RRM1: variants seen among roughly 807,000 people sequenced by gnomAD.
RRM1 encodes ribonucleoside-diphosphate reductase large subunit.
RRM1 carries 19 observed loss-of-function variants against 101.5 expected under a neutral mutation model. That is an observed-to-expected ratio of 0.19 (90% CI 0.13 to 0.27). The LOEUF (loss-of-function observed/expected upper bound fraction) is 0.27. Among genes scored for constraint, RRM1 ranks in the 10% least tolerant of loss-of-function variants. The pLI is 1.00. For synonymous variants in RRM1, 298 were observed against 323.4 expected (o/e 0.92, Z 0.84); for missense variants, 500 against 962.9 (o/e 0.52, Z 6.36).
intron 7 of RRM1, among the ~76,000 whole-genome samples, chr11:4,115,425 C>T (rs1283882859): frequency 6.6e-6 from 1 of 151,356 alleles, no homozygotes; most frequent in African/African-American, 2.4e-5. Context: ...AGTCATGTGG[C>T]CACAAAGGAG....
chr11:4,137,970 G>C lies in RRM1; in HGVS notation c.2191-225G>C. On this transcript the variant is annotated intron_variant, in intron 18 of 18. Transcript: ENST00000300738. ...GGCTGACCCCCCCACCTCCTTCCCA[G>C]ATGGGGCGGCTGGCCGGGCAGAGGA... The C allele has an allele frequency of 1.8e-5, 2 of 110,808 alleles. 1 individual carries two copies. The highest frequency in any genetic ancestry group is 6.9e-5 in the African/African-American group (2 of 29,096). 6.9% of individuals were successfully genotyped at this position (110,808 alleles called of 1,614,324 possible).
At chr11:4,095,086 C>T (rs2094541330) in intron 1 of RRM1, 55 bp downstream of exon 1, 1 of 1,544,790 alleles carries the variant, frequency 6.5e-7, no homozygotes, top group Admixed American at 2.0e-5. Flanking sequence ...GGGCTGCCGC[C>T]GCCGGAGCTG....
chr11:4,111,859 TC>T, intron 6 of RRM1, 40 bp from the exon 7 acceptor site: 1 of 1,571,294 alleles, frequency 6.4e-7, no homozygotes, highest in East Asian at 2.3e-5. Context: ...ACCTACTTTT[TC>T]TGACGTCTCA....
chr11:4,103,190 T>C (rs1218096907), intron 2 of RRM1, among the ~76,000 whole-genome samples: 2 of 152,384 alleles, frequency 1.3e-5, no homozygotes, highest in East Asian at 3.9e-4. Context: ...TATCTTATTC[T>C]TGTGATATCC....
chr11:4,107,082 A>T (rs961326771), intron 3 of RRM1, among the ~76,000 whole-genome samples: 1 of 151,886 alleles, frequency 6.6e-6, no homozygotes, highest in Non-Finnish European at 1.5e-5. Flanking sequence ...TTTAGTAGAG[A>T]CGGGTTTCAC....
chr11:4,109,215 AAT>A (rs957770620), intron 4 of RRM1, among the ~76,000 whole-genome samples: 6 of 150,662 alleles, frequency 4.0e-5, no homozygotes, highest in East Asian at 1.9e-4. Context: ...TTTTAAAATA[AAT>A]ATATATATAT....
chr11:4,115,857 CT>C (rs928402816), intron 7 of RRM1, among the ~76,000 whole-genome samples: 7 of 152,078 alleles, frequency 4.6e-5, no homozygotes, highest in African/African-American at 1.7e-4. Context: ...GCGCCTGGCC[CT>C]ACTTCCACTT....
intron 1 of RRM1, among the ~76,000 whole-genome samples, chr11:4,100,057 A>G (rs1806626664): frequency 6.6e-6 from 1 of 152,244 alleles, no homozygotes; most frequent in South Asian, 2.1e-4. Flanking sequence ...CCAGCCAGTT[A>G]ATTTACCCCA....
At chr11:4,097,114 G>A (rs577683264) in intron 1 of RRM1, among the ~76,000 whole-genome samples, 6 of 151,646 alleles carry the variant, frequency 4.0e-5, no homozygotes, top group South Asian at 4.2e-4. Flanking sequence ...GTGGAACCCC[G>A]TCTCTACTAA....
intron 7 of RRM1, among the ~76,000 whole-genome samples, chr11:4,116,700 G>A (rs2094574057): frequency 6.6e-6 from 1 of 152,210 alleles, no homozygotes; most frequent in Non-Finnish European, 1.5e-5. Flanking sequence ...GCCAGGTGCA[G>A]TGGCTTCTGC....
intron 7 of RRM1, among the ~76,000 whole-genome samples, chr11:4,116,854 C>T (rs1486666010): frequency 6.6e-6 from 1 of 151,752 alleles, no homozygotes; most frequent in African/African-American, 2.4e-5. Context: ...GTAGATTTAG[C>T]TACTTGAAAG....
chr11:4,095,315 A>G (rs2133279936), intron 1 of RRM1, among the ~76,000 whole-genome samples: 1 of 152,362 alleles, frequency 6.6e-6, no homozygotes, highest in South Asian at 2.1e-4. Flanking sequence ...TACGCCGAGC[A>G]CTTGCCAGGC....
intron 12 of RRM1, among the ~76,000 whole-genome samples, chr11:4,125,710 C>T (rs1002290036): frequency 1.3e-5 from 2 of 152,214 alleles, no homozygotes; most frequent in Admixed American, 1.3e-4. Context: ...GTAACATTTT[C>T]AATGAGGTCC....
At chr11:4,099,176 TC>T (rs1413268821) in intron 1 of RRM1, 1 of 152,120 alleles carries the variant, frequency 6.6e-6, no homozygotes, top group African/African-American at 2.4e-5. Context: ...GGAGTCTTGC[TC>T]TGTTGCCCAG....
intron 1 of RRM1, among the ~76,000 whole-genome samples, chr11:4,096,206 C>T (rs1253116071): frequency 6.6e-6 from 1 of 152,058 alleles, no homozygotes; most frequent in African/African-American, 2.4e-5. Context: ...TTAAAAATTT[C>T]TGGTAGTAAA....
chr11:4,131,552 GT>G (rs1267994547), intron 15 of RRM1, among the ~76,000 whole-genome samples: 1 of 152,190 alleles, frequency 6.6e-6, no homozygotes, highest in Non-Finnish European at 1.5e-5. Context: ...TGTTTGCAGA[GT>G]AGATATTTGT....
intron 1 of RRM1, among the ~76,000 whole-genome samples, chr11:4,097,459 C>CT (rs539114206): frequency 2.6e-4 from 37 of 142,892 alleles, no homozygotes; most frequent in East Asian, 4.1e-4. Flanking sequence ...TTGTTTGTTT[C>CT]TTTTTTTTTT....
At chr11:4,106,339 C>T in intron 3 of RRM1, 116 bp downstream of exon 3, 1 of 894,070 alleles carries the variant, frequency 1.1e-6, no homozygotes, top group Non-Finnish European at 1.7e-6. Context: ...TGGCTTACAC[C>T]TCGAATCCCA....
At chr11:4,126,608 C>T in intron 12 of RRM1, 76 bp from the exon 13 acceptor site, 3 of 1,356,748 alleles carry the variant, frequency 2.2e-6, no homozygotes, top group Non-Finnish European at 3.0e-6. Context: ...GTATTAGAGG[C>T]TCACATGGTG....
Sources: allele counts gnomAD v4.1 joint callset (sites outside exome capture counted in the v4.1 genomes callset), GRCh38; gene constraint gnomAD v4.1.1; transcripts MANE v1.5; gene names NCBI Gene and HGNC (gene_info 2026-07-23, HGNC 2026-07-21).